MYO3A: variants seen among roughly 807,000 people sequenced by gnomAD.
MYO3A encodes the protein myosin-IIIa.
Under a neutral mutation model 192.7 loss-of-function variants are expected in MYO3A, and 180 were observed. The ratio of observed to expected loss-of-function variants is 0.93; its 90% CI spans 0.83 to 1.06. The LOEUF (loss-of-function observed/expected upper bound fraction) is 1.06, where lower values mean the gene tolerates loss of function less well. Among genes scored for constraint, MYO3A ranks in the 50% least tolerant of loss-of-function variants. The pLI is 0.00. For missense variants in MYO3A, 1,896 were observed against 1,905.0 expected (o/e 1.00, Z 0.09); for synonymous variants, 628 against 645.3 (o/e 0.97, Z 0.41).
chr10:26,138,906 A>G (rs746809312), intron 20 of MYO3A, among the ~76,000 whole-genome samples: 3 of 152,206 alleles, frequency 2.0e-5, no homozygotes, highest in Non-Finnish European at 4.4e-5. Context: ...CAGGGAGCAA[A>G]CATCAACCTG....
chr10:26,093,169 CAATT>C (rs1409991449), intron 15 of MYO3A, among the ~76,000 whole-genome samples: 3 of 152,042 alleles, frequency 2.0e-5, no homozygotes, highest in Non-Finnish European at 4.4e-5. Flanking sequence ...ATACAATGTA[CAATT>C]AGTGTACATT....
At chr10:26,133,529 C>T (rs1839666819) in intron 20 of MYO3A, among the ~76,000 whole-genome samples, 1 of 152,052 alleles carries the variant, frequency 6.6e-6, no homozygotes, top group South Asian at 2.1e-4. Flanking sequence ...TGGTCGACAC[C>T]CTTAATGTGA....
intron 10 of MYO3A, among the ~76,000 whole-genome samples, chr10:26,055,493 A>G (rs1844260028): frequency 6.6e-6 from 1 of 152,110 alleles, no homozygotes; most frequent in Non-Finnish European, 1.5e-5. Flanking sequence ...GTGGGGTGGG[A>G]AAATTTGAAC....
At chr10:26,052,766 T>C (rs1844079023) in intron 10 of MYO3A, among the ~76,000 whole-genome samples, 1 of 152,230 alleles carries the variant, frequency 6.6e-6, no homozygotes, top group African/African-American at 2.4e-5. Context: ...CAAATAAAGC[T>C]GTTTCATTAC....
At chr10:26,152,819 C>G (rs928610806) in intron 23 of MYO3A, among the ~76,000 whole-genome samples, 3 of 152,156 alleles carry the variant, frequency 2.0e-5, no homozygotes, top group African/African-American at 7.2e-5. Flanking sequence ...AACTGTGGCA[C>G]ACACCCGTCT....
At chr10:26,188,745 T>A (rs1198906400) in intron 31 of MYO3A, among the ~76,000 whole-genome samples, 1 of 152,238 alleles carries the variant, frequency 6.6e-6, no homozygotes, top group East Asian at 1.9e-4. Flanking sequence ...AAATAGGGAA[T>A]CATTTCCCCC....
chr10:26,202,816 C>T, intron 33 of MYO3A, 148 bp from the exon 34 acceptor site: 1 of 873,652 alleles, frequency 1.1e-6, no homozygotes. Flanking sequence ...ACTGTTTTTC[C>T]CACATTTCAA....
chr10:25,997,228 A>G lies in MYO3A; in HGVS notation c.478A>G (p.Thr160Ala). The G allele has an allele frequency of 1.9e-6, 3 of 1,613,506 alleles. No homozygotes were observed. The highest frequency in any genetic ancestry group is 2.5e-6 in the Non-Finnish European group (3 of 1,179,556). Residue 160 changes from threonine (T) to alanine (A), a missense_variant, in exon 6 of 35, where the codon ACG becomes GCG. Transcript: ENST00000642920. ...GAAAGGCAATAACATTCTATTGACCACGGAAGGTGGAGTGAAACTAGTAGA... is the reference window on the plus strand; with the variant it reads ...GAAAGGCAATAACATTCTATTGACCGCGGAAGGTGGAGTGAAACTAGTAGA... ...DVKGNNILLT[T>A]EGGVKLVDFG...
Position 26,070,361 on chromosome 10 carries a change from A to G in MYO3A, c.1319A>G (p.Asn440Ser), listed in dbSNP as rs762073830. The G allele has an allele frequency of 9.3e-6, 15 of 1,613,296 alleles. No individual in the cohort carries two copies. In the Admixed American group the frequency reaches 1.8e-4, roughly 20 times the overall value. Reference protein sequence around the residue: ...SGESGAGKTENAHLLVQQLTV... With the variant: ...SGESGAGKTESAHLLVQQLTV... ...GAAAGTGGTGCTGGAAAGACTGAAA[A>G]TGCTCATCTTTTAGTTCAGCAGCTG... Residue 440 changes from asparagine to serine, a missense_variant, in exon 14 of 35, where the codon AAT (asparagine) becomes AGT (serine). By Grantham distance (46) the Asn-to-Ser change is conservative (BLOSUM62 1). Transcript: ENST00000642920.
Position 25,957,081 on chromosome 10 carries a change from A to G in MYO3A, c.303+2073A>G, listed in dbSNP as rs564628638. On this transcript the variant is annotated intron_variant, in intron 4 of 34. Transcript: ENST00000642920. Reference sequence around the variant, plus strand: ...TGATCTCAGTCTTTTTTATGGCTGCATAGTATTTCACAATGTATATGTACC... The same window carrying G: ...TGATCTCAGTCTTTTTTATGGCTGCGTAGTATTTCACAATGTATATGTACC... 3.9e-5 allele frequency among the ~76,000 whole-genome samples: 6 copies of G among 152,214 alleles called. No homozygotes were observed. The South Asian group carries it at 8.3e-4, about 21-fold the overall frequency.
chr10:26,150,029 C>CATGT (rs1554834549), intron 23 of MYO3A, among the ~76,000 whole-genome samples: 10 of 149,398 alleles, frequency 6.7e-5, no homozygotes, highest in Non-Finnish European at 1.0e-4. Context: ...GAATAGTATT[C>CATGT]GTGTGTGTGT....
intron 10 of MYO3A, among the ~76,000 whole-genome samples, chr10:26,057,684 C>T (rs571915314): frequency 1.3e-5 from 2 of 152,092 alleles, no homozygotes; most frequent in African/African-American, 4.8e-5. Flanking sequence ...AGTTTTGTGA[C>T]CACAAATAAG....
At chr10:26,141,301 T>C (rs1201208208) in intron 20 of MYO3A, among the ~76,000 whole-genome samples, 4 of 152,226 alleles carry the variant, frequency 2.6e-5, no homozygotes, top group Admixed American at 6.5e-5. Context: ...CTCCATATGC[T>C]TGAAAACAAC....
At chr10:26,176,869 T>G in intron 31 of MYO3A, 24 bp downstream of exon 31, 1 of 1,611,412 alleles carries the variant, frequency 6.2e-7, no homozygotes, top group Non-Finnish European at 8.5e-7. Context: ...GAGTTAGAAC[T>G]TCCTGAATGG....
intron 25 of MYO3A, among the ~76,000 whole-genome samples, chr10:26,155,110 G>A (rs1306849782): frequency 6.6e-6 from 1 of 152,114 alleles, no homozygotes; most frequent in Non-Finnish European, 1.5e-5. Context: ...AAACCTAAAA[G>A]GATTTTTACT....
intron 17 of MYO3A, among the ~76,000 whole-genome samples, chr10:26,109,187 C>T (rs530265444): frequency 1.3e-5 from 2 of 151,864 alleles, no homozygotes; most frequent in South Asian, 4.1e-4. Flanking sequence ...CCCACTCTAA[C>T]TTAAGAAATG....
intron 4 of MYO3A, among the ~76,000 whole-genome samples, chr10:25,969,158 G>A (rs557483675): frequency 5.9e-5 from 9 of 152,110 alleles, no homozygotes; most frequent in South Asian, 2.1e-4. Context: ...GCTTGAACCC[G>A]GGAGGCGGAA....
intron 20 of MYO3A, among the ~76,000 whole-genome samples, chr10:26,132,008 G>A (rs964807854): frequency 6.6e-5 from 10 of 152,062 alleles, no homozygotes; most frequent in African/African-American, 2.4e-4. Flanking sequence ...TATTACATTC[G>A]TACACCATTA....
intron 10 of MYO3A, among the ~76,000 whole-genome samples, chr10:26,027,268 G>A (rs1842597936): frequency 6.6e-6 from 1 of 152,142 alleles, no homozygotes; most frequent in Non-Finnish European, 1.5e-5. Flanking sequence ...AAAAGTCACA[G>A]AGAAATATAC....
Sources: allele counts gnomAD v4.1 joint callset (sites outside exome capture counted in the v4.1 genomes callset), GRCh38; gene constraint gnomAD v4.1.1; transcripts MANE v1.5; gene names NCBI Gene and HGNC (gene_info 2026-07-23, HGNC 2026-07-21).